Variants in PRELID2 observed in about 807,000 individuals in gnomAD.
The protein encoded by PRELID2 is PRELI domain containing 2.
PRELID2 carries 25 observed loss-of-function variants against 28.4 expected under a neutral mutation model. The ratio of observed to expected loss-of-function variants is 0.88; its 90% CI spans 0.64 to 1.23. PRELID2 has a LOEUF of 1.23. PRELID2 is among the 50% of genes most tolerant of loss of function. The pLI, the probability that PRELID2 is intolerant of heterozygous loss-of-function variation, is 0.00. For missense variants in PRELID2, 201 were observed against 214.4 expected (o/e 0.94, Z 0.39); for synonymous variants, 76 against 71.6 (o/e 1.06, Z -0.31).
At chr5:145,370,770 G>T in the PRELID2 span, among the ~76,000 whole-genome samples, 10 of 151,502 alleles carry the variant, frequency 6.6e-5, no homozygotes, top group Non-Finnish European at 1.2e-4. Flanking sequence ...ATGTTTTCTC[G>T]TTTGTTTCCT....
At chr5:145,610,081 GTA>G (rs1190913146) in intron 1 of PRELID2, among the ~76,000 whole-genome samples, 3 of 152,194 alleles carry the variant, frequency 2.0e-5, no homozygotes, top group Non-Finnish European at 4.4e-5. Context: ...CTCTGCCTCA[GTA>G]TAGAAGTGCA....
the PRELID2 span, among the ~76,000 whole-genome samples, chr5:145,230,491 A>G: frequency 6.6e-6 from 1 of 152,108 alleles, no homozygotes; most frequent in African/African-American, 2.4e-5. Context: ...AGACAGGAGA[A>G]TTGCTTGAAT....
chr5:145,375,534 G>A, the PRELID2 span, among the ~76,000 whole-genome samples: 18 of 152,206 alleles, frequency 1.2e-4, no homozygotes, highest in African/African-American at 2.2e-4. Context: ...GGGTAAACTC[G>A]CTCATCTGGG....
chr5:145,682,395 G>A (rs1327652638), intron 1 of PRELID2, among the ~76,000 whole-genome samples: 2 of 152,154 alleles, frequency 1.3e-5, no homozygotes, highest in African/African-American at 2.4e-5. Flanking sequence ...ACAGTGTGAC[G>A]TCTACAATAA....
chr5:145,556,788 C>T (rs1164007496), intron 1 of PRELID2, among the ~76,000 whole-genome samples: 1 of 152,196 alleles, frequency 6.6e-6, no homozygotes, highest in East Asian at 1.9e-4. Context: ...GATAATACTT[C>T]CCATGCTTCT....
chr5:145,633,841 T>C (rs576968615), intron 1 of PRELID2, among the ~76,000 whole-genome samples: 1 of 152,236 alleles, frequency 6.6e-6, no homozygotes, highest in East Asian at 1.9e-4. Flanking sequence ...TGCAACCATT[T>C]CCAGGTAATT....
chr5:145,454,561 T>C, the PRELID2 span, among the ~76,000 whole-genome samples: 5 of 152,210 alleles, frequency 3.3e-5, no homozygotes, highest in African/African-American at 1.2e-4. Context: ...CTCCTTAAGC[T>C]GATAAGCAAT....
chr5:145,565,772 C>T (rs774757040), intron 1 of PRELID2, among the ~76,000 whole-genome samples: 1 of 152,226 alleles, frequency 6.6e-6, no homozygotes, highest in Non-Finnish European at 1.5e-5. Context: ...TTTGCAGGCT[C>T]CTCATGGTGG....
chr5:145,325,357 C>T, the PRELID2 span, among the ~76,000 whole-genome samples: 1 of 152,316 alleles, frequency 6.6e-6, no homozygotes, highest in South Asian at 2.1e-4. Context: ...AACATCCTCC[C>T]TCTCTTATTG....
intron 1 of PRELID2, among the ~76,000 whole-genome samples, chr5:145,481,073 T>C (rs946253902): frequency 6.6e-6 from 1 of 152,140 alleles, no homozygotes; most frequent in African/African-American, 2.4e-5. Context: ...AGTTACATTA[T>C]TTGAGTGGGG....
chr5:145,283,594 C>A, the PRELID2 span, among the ~76,000 whole-genome samples: 1 of 152,122 alleles, frequency 6.6e-6, no homozygotes, highest in Non-Finnish European at 1.5e-5. Flanking sequence ...TGCTTTTAAA[C>A]TGCTGGCATC....
At chr5:145,781,901 T>C (rs538819565) in intron 5 of PRELID2, among the ~76,000 whole-genome samples, 6 of 151,926 alleles carry the variant, frequency 3.9e-5, no homozygotes, top group African/African-American at 1.2e-4. Flanking sequence ...TACATGAAGA[T>C]TTATAGTGGC....
chr5:145,598,695 G>A (rs1223287668), intron 1 of PRELID2, among the ~76,000 whole-genome samples: 1 of 152,116 alleles, frequency 6.6e-6, no homozygotes. Flanking sequence ...TGGCTCTGGG[G>A]ATAGAGGATG....
intron 1 of PRELID2, among the ~76,000 whole-genome samples, chr5:145,577,076 C>A (rs888446439): frequency 6.6e-6 from 1 of 152,114 alleles, no homozygotes; most frequent in South Asian, 2.1e-4. Context: ...AGCCAGCCTT[C>A]ACAGAATCTC....
At chr5:145,419,369 C>G in the PRELID2 span, among the ~76,000 whole-genome samples, 3,327 of 126,796 alleles carry the variant, frequency 0.026, 114 homozygotes, top group African/African-American at 0.081. Context: ...GTTCCTATTT[C>G]TCCACATCCT....
chr5:145,246,171 T>C, the PRELID2 span, among the ~76,000 whole-genome samples: 1 of 152,072 alleles, frequency 6.6e-6, no homozygotes, highest in African/African-American at 2.4e-5. Flanking sequence ...CTAATTAATG[T>C]CACGTGTCTT....
At chr5:145,786,487 T>C (rs1039888518) in intron 5 of PRELID2, among the ~76,000 whole-genome samples, 10 of 152,214 alleles carry the variant, frequency 6.6e-5, no homozygotes, top group Admixed American at 2.6e-4. Flanking sequence ...GGAGGCCCGC[T>C]GAATCCTACC....
At chr5:145,353,203 A>G in the PRELID2 span, among the ~76,000 whole-genome samples, 2 of 152,162 alleles carry the variant, frequency 1.3e-5, no homozygotes, top group African/African-American at 4.8e-5. Context: ...CATGCCTATA[A>G]TCCCAGCATT....
chr5:145,272,419 A>T, the PRELID2 span, among the ~76,000 whole-genome samples: 1 of 152,136 alleles, frequency 6.6e-6, no homozygotes, highest in African/African-American at 2.4e-5. Flanking sequence ...CGGAGCACTC[A>T]ATCTTGTAAG....
Sources: allele counts gnomAD v4.1 joint callset (sites outside exome capture counted in the v4.1 genomes callset), GRCh38; gene constraint gnomAD v4.1.1; transcripts MANE v1.5; gene names NCBI Gene and HGNC (gene_info 2026-07-23, HGNC 2026-07-21).